RPH3A: variants seen among roughly 807,000 people sequenced by gnomAD.
RPH3A encodes the protein rabphilin 3A.
Under a neutral mutation model 102.2 loss-of-function variants are expected in RPH3A, and 48 were observed. That is an observed-to-expected ratio of 0.47 (90% confidence interval 0.37 to 0.60). RPH3A has a LOEUF of 0.60. Ranked by LOEUF, RPH3A falls within the 20% of genes least tolerant of loss-of-function variation. The pLI is 0.00. For synonymous variants in RPH3A, 310 were observed against 324.3 expected, an observed-to-expected ratio of 0.96 and a Z score of 0.47; for missense variants, 781 against 910.1, an observed-to-expected ratio of 0.86 and a Z score of 1.83.
chr12:112,729,583 A>T (rs1334953973), intron 1 of RPH3A, among the ~76,000 whole-genome samples: 1 of 152,186 alleles, frequency 6.6e-6, no homozygotes, highest in Non-Finnish European at 1.5e-5. Context: ...CATAGCCATT[A>T]CACTGGGTAA....
intron 19 of RPH3A, among the ~76,000 whole-genome samples, chr12:112,892,200 G>C (rs11837908): frequency 0.068 from 10,336 of 152,198 alleles, 974 homozygotes; most frequent in African/African-American, 0.21. Flanking sequence ...GTGACCTGGG[G>C]CTCATAGCTT....
intron 2 of RPH3A, among the ~76,000 whole-genome samples, chr12:112,827,116 A>G (rs941180930): frequency 2.0e-5 from 3 of 152,138 alleles, no homozygotes; most frequent in African/African-American, 7.2e-5. Flanking sequence ...AAAGTGGACA[A>G]TTCCGTGGCT....
intron 10 of RPH3A, among the ~76,000 whole-genome samples, chr12:112,871,967 T>C (rs1159330697): frequency 1.3e-5 from 2 of 151,814 alleles, no homozygotes; most frequent in Non-Finnish European, 2.9e-5. Context: ...GGGAGTTTGG[T>C]TTATTTCAAC....
intron 1 of RPH3A, among the ~76,000 whole-genome samples, chr12:112,635,779 G>T (rs1161911331): frequency 2.0e-5 from 3 of 152,138 alleles, no homozygotes; most frequent in Non-Finnish European, 4.4e-5. Flanking sequence ...GCCCATGAGG[G>T]AATGGATTTT....
At chr12:112,848,872 G>T (rs1385727050) in intron 5 of RPH3A, among the ~76,000 whole-genome samples, 2 of 151,982 alleles carry the variant, frequency 1.3e-5, no homozygotes, top group African/African-American at 2.4e-5. Context: ...GGGAGTGAGG[G>T]TATGTGTTTG....
At chr12:112,811,568 A>G (rs1162691515) in intron 2 of RPH3A, among the ~76,000 whole-genome samples, 1 of 149,582 alleles carries the variant, frequency 6.7e-6, no homozygotes, top group Non-Finnish European at 1.5e-5. Flanking sequence ...ACAGCATAAC[A>G]GCTGAAACAA....
At position 112,876,718 on chromosome 12, in the gene RPH3A, A is replaced by T. The variant is rs1388840900; in HGVS notation, c.1023A>T (p.Ala341=). 1.2e-5 allele frequency: 19 copies of T among 1,613,354 alleles called. No homozygotes were observed. The highest frequency in any genetic ancestry group is 1.5e-5 in the Non-Finnish European group (18 of 1,179,684). The part of the protein sequence containing the change: ...ERTGGVGGYP[A]VGAREDRMSH... ...CAGGGGGAGTCGGGGGCTACCCAGC[A>T]GTTGGAGCCAGAGAGGACCGAATGA... is the stretch of plus-strand genomic sequence containing the variant. The change falls in exon 13 of 22, where the codon GCA becomes GCT. Residue 341 remains alanine, a synonymous_variant. Coordinates refer to ENST00000389385, the MANE Select transcript of RPH3A (RefSeq NM_001143854.2).
intron 1 of RPH3A, among the ~76,000 whole-genome samples, chr12:112,649,928 C>T (rs749624192): frequency 1.2e-4 from 18 of 152,242 alleles, no homozygotes; most frequent in Non-Finnish European, 8.8e-5. Context: ...AAGGGTTCCA[C>T]CCTACTGGCC....
chr12:112,603,685 T>C (rs1489043577), intron 1 of RPH3A, among the ~76,000 whole-genome samples: 2 of 152,224 alleles, frequency 1.3e-5, no homozygotes, highest in African/African-American at 4.8e-5. Flanking sequence ...AGGACATTCC[T>C]CGGCTTGGGA....
At position 112,890,886 on chromosome 12, in the gene RPH3A, A is replaced by G; in HGVS notation, c.1658A>G (p.Lys553Arg). Residue 553 changes from lysine to arginine, a missense_variant, in exon 19 of 22, where the codon AAG (lysine) becomes AGG (arginine). This residue lies in a region of RPH3A where 730 missense variants were observed against 810.0 expected (regional missense o/e 0.90). Coordinates refer to ENST00000389385, the MANE Select transcript of RPH3A (RefSeq NM_001143854.2). Reference sequence around the variant, plus strand: ...GTTGGTGACATCGAGGAGCGTGGCAAGATCCTGGTCTCCCTCATGTACAGC... The same window carrying G: ...GTTGGTGACATCGAGGAGCGTGGCAGGATCCTGGTCTCCCTCATGTACAGC... ...ERVGDIEERG[K>R]ILVSLMYSTQ... 1 of 1,614,034 alleles carries G rather than the reference A, an allele frequency of 6.2e-7. No homozygotes were observed. Among genetic ancestry groups the G allele is most frequent in the Non-Finnish European group, 8.5e-7 (1 of 1,179,970 alleles).
chr12:112,860,849 G>C (rs997276369), intron 5 of RPH3A, among the ~76,000 whole-genome samples: 4 of 152,122 alleles, frequency 2.6e-5, no homozygotes, highest in Admixed American at 2.6e-4. Flanking sequence ...AAAATAGTTG[G>C]GAGCAACTGT....
intron 1 of RPH3A, among the ~76,000 whole-genome samples, chr12:112,734,790 C>T (rs2040657052): frequency 1.3e-5 from 2 of 152,280 alleles, no homozygotes; most frequent in South Asian, 4.1e-4. Flanking sequence ...TGTCATGACA[C>T]TGGTGGGAGT....
chr12:112,585,727 ACT>A (rs1232989179), intron 1 of RPH3A, among the ~76,000 whole-genome samples: 1 of 151,762 alleles, frequency 6.6e-6, no homozygotes, highest in Non-Finnish European at 1.5e-5. Flanking sequence ...ATAGAGTGAA[ACT>A]CTGTCTCAAA....
chr12:112,714,740 G>A (rs188034119), intron 1 of RPH3A, among the ~76,000 whole-genome samples: 236 of 152,256 alleles, frequency 1.6e-3, no homozygotes, highest in African/African-American at 5.4e-3. Context: ...ATGGAGTGAC[G>A]GTTGAGGATT....
intron 1 of RPH3A, among the ~76,000 whole-genome samples, chr12:112,699,485 G>T (rs1001640300): frequency 6.6e-6 from 1 of 152,152 alleles, no homozygotes; most frequent in African/African-American, 2.4e-5. Flanking sequence ...GTGACCACAT[G>T]GGCAAATCTC....
At chr12:112,890,156 T>C (rs1235716264) in intron 18 of RPH3A, 76 bp downstream of exon 18, 78 of 1,312,114 alleles carry the variant, frequency 5.9e-5, no homozygotes, top group Non-Finnish European at 8.4e-5. Flanking sequence ...CTTCTCTCCC[T>C]CCCTGGCCCC....
At position 112,858,386 on chromosome 12, in the gene RPH3A, A is replaced by G. The variant is rs1482280245; in HGVS notation, c.231-7028A>G. Among the ~76,000 whole-genome samples, 3 of 151,188 alleles carry G rather than the reference A, an allele frequency of 2.0e-5. 1 individual carries two copies. In the East Asian group the frequency reaches 5.8e-4, roughly 29 times the overall value. ...CTTGCATGCAGTCCCATCAGTCTTC[A>G]ATACAAGACCCTGCATGGAGTGGTC... On this transcript the variant is annotated intron_variant, in intron 5 of 21. Coordinates refer to ENST00000389385, the MANE Select transcript of RPH3A (RefSeq NM_001143854.2).
rs142422025 is a variant in RPH3A at position 112,890,859 on chromosome 12, G to A, written c.1631G>A (p.Arg544His). The A allele has an allele frequency of 2.3e-4, 367 of 1,613,662 alleles. No individual in the cohort carries two copies. The highest frequency in any genetic ancestry group is 3.0e-4 in the Non-Finnish European group (349 of 1,179,892). The change falls in exon 19 of 22, where the codon CGT becomes CAT. Residue 544 changes from arginine to histidine, a missense_variant. Arg to His is a conservative substitution (Grantham distance 29). This residue lies in a region of RPH3A where 730 missense variants were observed against 810.0 expected (regional missense o/e 0.90). Coordinates refer to ENST00000389385, the MANE Select transcript of RPH3A (RefSeq NM_001143854.2). ...TTTCCCCCAATGCAGCAGGTGGAGCGTGTTGGTGACATCGAGGAGCGTGGC... is the reference window on the plus strand; with the variant it reads ...TTTCCCCCAATGCAGCAGGTGGAGCATGTTGGTGACATCGAGGAGCGTGGC... Reference protein sequence around the residue: ...MALYEEEQVERVGDIEERGKI... With the variant: ...MALYEEEQVEHVGDIEERGKI...
chr12:112,733,303 G>A (rs190893475), intron 1 of RPH3A, among the ~76,000 whole-genome samples: 34 of 152,176 alleles, frequency 2.2e-4, no homozygotes, highest in East Asian at 1.4e-3. Context: ...ATACTGGCAC[G>A]CACATATCTG....
Sources: gnomAD v4.1 joint callset for allele counts (sites outside exome capture counted in the v4.1 genomes callset) on GRCh38, gnomAD v4.1.1 for gene constraint, gnomAD v4.1.1 regional missense constraint, MANE v1.5 for transcripts, NCBI Gene and HGNC (gene_info 2026-07-23, HGNC 2026-07-21) for gene names.